Variants in SMYD3 observed in about 807,000 individuals in gnomAD.
SMYD3 encodes the protein SET and MYND domain containing 3.
In SMYD3, 36 loss-of-function variants were observed where a neutral mutation model predicts 57.7. The observed-to-expected ratio is 0.62, with a 90% CI of 0.48 to 0.82. The LOEUF is 0.82. SMYD3 is among the 40% of genes least tolerant of loss of function. SMYD3 has a pLI of 0.00. For missense variants in SMYD3, 515 were observed against 538.8 expected (o/e 0.96, Z 0.44); for synonymous variants, 211 against 195.0 (o/e 1.08, Z -0.68).
intron 9 of SMYD3, among the ~76,000 whole-genome samples, chr1:245,862,772 A>G (rs1223148951): frequency 1.3e-5 from 2 of 152,222 alleles, no homozygotes; most frequent in African/African-American, 2.4e-5. Flanking sequence ...TAAAGTCTCG[A>G]TACAAACTTT....
At chr1:245,788,374 T>G (rs1211368066) in intron 10 of SMYD3, among the ~76,000 whole-genome samples, 1 of 152,232 alleles carries the variant, frequency 6.6e-6, no homozygotes, top group Non-Finnish European at 1.5e-5. Flanking sequence ...GACTACAAGC[T>G]TTGTGGTCTG....
At chr1:246,308,837 A>C (rs2065029583) in intron 5 of SMYD3, among the ~76,000 whole-genome samples, 1 of 152,226 alleles carries the variant, frequency 6.6e-6, no homozygotes, top group Non-Finnish European at 1.5e-5. Context: ...TTTTAAAAAC[A>C]ACATCAAAAT....
At chr1:246,195,117 A>G (rs2062811657) in intron 5 of SMYD3, among the ~76,000 whole-genome samples, 1 of 152,196 alleles carries the variant, frequency 6.6e-6, no homozygotes, top group Non-Finnish European at 1.5e-5. Context: ...CACATATGAC[A>G]TAATACTTGT....
intron 5 of SMYD3, among the ~76,000 whole-genome samples, chr1:246,091,679 G>A (rs1185499555): frequency 1.3e-5 from 2 of 152,162 alleles, no homozygotes; most frequent in Non-Finnish European, 2.9e-5. Flanking sequence ...CAATGTCTGT[G>A]TATGACTGAA....
At chr1:246,096,158 C>T (rs1203906675) in intron 5 of SMYD3, 1 of 152,090 alleles carries the variant, frequency 6.6e-6, no homozygotes, top group Non-Finnish European at 1.5e-5. Context: ...CAAAAGCATC[C>T]TCTGTTTAAT....
At chr1:245,784,553 C>A (rs2046958690) in intron 10 of SMYD3, among the ~76,000 whole-genome samples, 2 of 152,136 alleles carry the variant, frequency 1.3e-5, no homozygotes, top group South Asian at 4.1e-4. Context: ...TCACCTCTGG[C>A]ACCTGAGCTC....
intron 5 of SMYD3, among the ~76,000 whole-genome samples, chr1:245,969,524 C>G (rs1475761251): frequency 2.0e-5 from 3 of 152,190 alleles, no homozygotes; most frequent in African/African-American, 4.8e-5. Flanking sequence ...GTAAATCAGT[C>G]AGCACAAACT....
At chr1:246,220,316 C>A (rs951637942) in intron 5 of SMYD3, among the ~76,000 whole-genome samples, 2 of 151,092 alleles carry the variant, frequency 1.3e-5, no homozygotes, top group East Asian at 2.0e-4. Context: ...CCGCCCCACC[C>A]GCCATGCTCT....
chr1:246,385,393 G>T (rs1432930040), intron 1 of SMYD3, among the ~76,000 whole-genome samples: 1 of 146,470 alleles, frequency 6.8e-6, no homozygotes, highest in African/African-American at 2.5e-5. Flanking sequence ...AAATTCACAT[G>T]GCACTACGGG....
At chr1:246,481,017 C>T (rs984897205) in intron 1 of SMYD3, among the ~76,000 whole-genome samples, 1 of 152,032 alleles carries the variant, frequency 6.6e-6, no homozygotes, top group African/African-American at 2.4e-5. Context: ...CCAGGCTGAT[C>T]TCAAACTCCT....
At position 246,042,644 on chromosome 1, in the gene SMYD3, G is replaced by A. The variant is rs558430815; in HGVS notation, c.532-112707C>T. On this transcript the variant is annotated intron_variant, in intron 5 of 11. Coordinates refer to ENST00000490107, the MANE Select transcript of SMYD3 (RefSeq NM_001167740.2). ...TCACCCCAGAAGAAATCAGAGCTGC[G>A]TTAATCAATCATTCTCTTACACGGT... Among the ~76,000 whole-genome samples the A allele has an allele frequency of 3.2e-4, 48 of 152,276 alleles. No homozygotes were observed. The East Asian group carries it at 5.2e-3, about 17-fold the overall frequency.
rs376865750 is a variant in SMYD3 at position 246,203,393 on chromosome 1, A to G, written c.531+123808T>C. Among the ~76,000 whole-genome samples the G allele has an allele frequency of 6.6e-6, 1 of 152,224 alleles. No homozygotes were observed. The highest frequency in any genetic ancestry group is 2.4e-5 in the African/African-American group (1 of 41,464). ...CAGCACCTCCCCATGGTTGTTCGCTAGAGCTGCCATAACAGAATACTACAG... is the reference window on the plus strand; with the variant it reads ...CAGCACCTCCCCATGGTTGTTCGCTGGAGCTGCCATAACAGAATACTACAG... On this transcript the variant is annotated intron_variant, in intron 5 of 11. Coordinates refer to ENST00000490107, the MANE Select transcript of SMYD3 (RefSeq NM_001167740.2). This position sits in a 1 kb window ranked among gnomAD's most constrained non-coding sequence, Gnocchi z 4.6.
At chr1:246,393,867 T>G (rs1233932950) in intron 1 of SMYD3, among the ~76,000 whole-genome samples, 2 of 151,900 alleles carry the variant, frequency 1.3e-5, no homozygotes, top group Non-Finnish European at 2.9e-5. Context: ...TAAAAAAATC[T>G]AAAAACAATT....
At chr1:245,838,495 C>T (rs1027722346) in intron 10 of SMYD3, among the ~76,000 whole-genome samples, 1 of 152,226 alleles carries the variant, frequency 6.6e-6, no homozygotes, top group African/African-American at 2.4e-5. Context: ...CTCTCTGAGC[C>T]ACAGCTTTCA....
chr1:246,330,632 T>C, intron 3 of SMYD3, 95 bp from the exon 4 acceptor site: 1 of 1,029,606 alleles, frequency 9.7e-7, no homozygotes, highest in Non-Finnish European at 1.4e-6. Flanking sequence ...TAAATGAAAG[T>C]CCATCAAAAA....
chr1:246,234,145 T>C (rs12140518), intron 5 of SMYD3, among the ~76,000 whole-genome samples: 19 of 79,060 alleles, frequency 2.4e-4, no homozygotes, highest in South Asian at 6.6e-4. Flanking sequence ...CTGTGATGAA[T>C]ATATACCACA....
At chr1:246,050,640 T>C (rs2060050684) in intron 5 of SMYD3, among the ~76,000 whole-genome samples, 1 of 152,188 alleles carries the variant, frequency 6.6e-6, no homozygotes, top group East Asian at 1.9e-4. Flanking sequence ...ATTGGGTCTT[T>C]GTAAGCAGGT....
At chr1:246,299,827 C>T (rs1012559392) in intron 5 of SMYD3, among the ~76,000 whole-genome samples, 1 of 151,330 alleles carries the variant, frequency 6.6e-6, no homozygotes, top group East Asian at 2.0e-4. Context: ...GACACTGGGG[C>T]GCACTTGAAG....
chr1:246,161,330 TTC>T (rs1158316391), intron 5 of SMYD3, among the ~76,000 whole-genome samples: 1 of 152,188 alleles, frequency 6.6e-6, no homozygotes. Context: ...ACTTACAGTT[TTC>T]TCTGTGTGCT....
Sources: gnomAD v4.1 joint callset for allele counts (sites outside exome capture counted in the v4.1 genomes callset) on GRCh38, gnomAD v4.1.1 for gene constraint, Gnocchi (gnomAD v3.1) non-coding constraint, MANE v1.5 for transcripts, NCBI Gene and HGNC (gene_info 2026-07-23, HGNC 2026-07-21) for gene names.